HIVEP1: variants seen among roughly 807,000 people sequenced by gnomAD.
HIVEP1 encodes zinc finger protein 40.
HIVEP1 carries 36 observed loss-of-function variants against 180.0 expected under a neutral mutation model. The ratio of observed to expected loss-of-function variants is 0.20; its 90% confidence interval spans 0.15 to 0.26. The LOEUF (loss-of-function observed/expected upper bound fraction) is 0.26, where lower values mean the gene tolerates loss of function less well. Ranked by LOEUF, HIVEP1 falls within the 10% of genes least tolerant of loss-of-function variation. The pLI, the probability that HIVEP1 is intolerant of heterozygous loss-of-function variation, is 1.00. For synonymous variants in HIVEP1, 1,239 were observed against 1,239.0 expected, an observed-to-expected ratio of 1.00 and a Z score of 0.00; for missense variants, 3,143 against 3,268.7, an observed-to-expected ratio of 0.96 and a Z score of 0.94.
At position 12,123,766 on chromosome 6, in the gene HIVEP1, T is replaced by C. The variant is rs771344300; in HGVS notation, c.3971T>C (p.Ile1324Thr). The change falls in exon 4 of 9, where the codon ATA (isoleucine) becomes ACA (threonine). Residue 1324 changes from isoleucine (I) to threonine (T), a missense_variant. This residue lies in a region of HIVEP1 where 1,357 missense variants were observed against 1,260.5 expected (regional missense o/e 1.08). Coordinates refer to ENST00000379388, the MANE Select transcript of HIVEP1 (RefSeq NM_002114.4). ...HTSSFSASLD[I>T]EDVSKTEASP... The stretch of plus-strand genomic sequence containing the variant: ...TCAAGTTTCTCAGCCTCTTTAGACA[T>C]AGAGGACGTTTCTAAAACGGAGGCT... 6.2e-7 allele frequency: 1 copy of C among 1,614,162 alleles called. No individual in the cohort carries two copies. The highest frequency in any genetic ancestry group is 1.3e-5 in the African/African-American group (1 of 75,034).
the HIVEP1 span, among the ~76,000 whole-genome samples, chr6:12,192,189 T>G: frequency 1.3e-5 from 2 of 152,184 alleles, no homozygotes; most frequent in Admixed American, 1.3e-4. Context: ...TATAGAACCA[T>G]TATTTTTATT....
intron 2 of HIVEP1, among the ~76,000 whole-genome samples, chr6:12,028,641 C>G (rs553067342): frequency 1.3e-5 from 2 of 152,306 alleles, no homozygotes; most frequent in East Asian, 3.9e-4. Flanking sequence ...GGAAAGATTA[C>G]CTTTTTCAGT....
chr6:12,211,313 T>C, the HIVEP1 span, among the ~76,000 whole-genome samples: 2 of 96,344 alleles, frequency 2.1e-5, no homozygotes, highest in African/African-American at 1.0e-4. Flanking sequence ...GGCAGGAGAA[T>C]GGCGTGAACC....
intron 2 of HIVEP1, among the ~76,000 whole-genome samples, chr6:12,062,444 C>T (rs1049696508): frequency 6.6e-6 from 1 of 152,000 alleles, no homozygotes; most frequent in African/African-American, 2.4e-5. Context: ...TGTAATTAAA[C>T]ATTTCATTAT....
At chr6:12,019,396 T>C (rs947073824) in intron 2 of HIVEP1, among the ~76,000 whole-genome samples, 3 of 152,208 alleles carry the variant, frequency 2.0e-5, no homozygotes, top group African/African-American at 7.2e-5. Context: ...TTTTTGAGCG[T>C]ATCTTTAATA....
At chr6:12,058,992 C>T (rs1252143121) in intron 2 of HIVEP1, among the ~76,000 whole-genome samples, 2 of 151,408 alleles carry the variant, frequency 1.3e-5, no homozygotes, top group Non-Finnish European at 2.9e-5. Context: ...CTGTTTGTTG[C>T]CCAGGCTGGA....
At chr6:12,130,218 A>G (rs1268416500) in intron 5 of HIVEP1, among the ~76,000 whole-genome samples, 2 of 152,242 alleles carry the variant, frequency 1.3e-5, no homozygotes, top group Non-Finnish European at 2.9e-5. Context: ...ATTGCCCATT[A>G]GATATCTTTG....
chr6:12,096,630 TA>T (rs1047040000), intron 3 of HIVEP1, among the ~76,000 whole-genome samples: 2 of 151,518 alleles, frequency 1.3e-5, no homozygotes, highest in Admixed American at 6.6e-5. Context: ...GACTCTCATT[TA>T]AAAAAAAATT....
At chr6:12,037,577 G>T (rs1769365578) in intron 2 of HIVEP1, 1 of 376,200 alleles carries the variant, frequency 2.7e-6, no homozygotes, top group Admixed American at 4.6e-5. Flanking sequence ...TGGCTGAGAG[G>T]TTGCACTGGA....
chr6:12,135,260 A>C (rs1758641910), intron 6 of HIVEP1, among the ~76,000 whole-genome samples: 1 of 152,244 alleles, frequency 6.6e-6, no homozygotes, highest in Non-Finnish European at 1.5e-5. Context: ...GTCTGAAGCC[A>C]ATGAAACTGT....
chr6:12,172,931 G>A, the HIVEP1 span, among the ~76,000 whole-genome samples: 2 of 151,902 alleles, frequency 1.3e-5, no homozygotes, highest in African/African-American at 4.8e-5. Flanking sequence ...AAACGAGTAT[G>A]TCCAGTGCCA....
At chr6:12,195,103 AGTT>A in the HIVEP1 span, among the ~76,000 whole-genome samples, 1 of 152,238 alleles carries the variant, frequency 6.6e-6, no homozygotes, top group Non-Finnish European at 1.5e-5. Flanking sequence ...GAGAATATCA[AGTT>A]GTTAGAAATA....
Position 12,017,284 on chromosome 6 carries a change from C to T in HIVEP1, c.40+1616C>T, listed in dbSNP as rs12210876. On this transcript the variant is annotated intron_variant, in intron 2 of 8. Coordinates refer to ENST00000379388, the MANE Select transcript of HIVEP1 (RefSeq NM_002114.4). The stretch of plus-strand genomic sequence containing the variant: ...CTTCAAGAATGAAGCCACAGGCCCT[C>T]GCCGTGAGTGTTATAGCTCTTAAAG... Among the ~76,000 whole-genome samples, 1,811 of 152,248 alleles carry T rather than the reference C, an allele frequency of 0.012. 63 individuals are homozygous for T. In the East Asian group the frequency reaches 0.15, roughly 13 times the overall value.
intron 6 of HIVEP1, among the ~76,000 whole-genome samples, chr6:12,134,418 A>G (rs1307001063): frequency 1.3e-5 from 2 of 152,148 alleles, no homozygotes; most frequent in South Asian, 2.1e-4. Context: ...AGAATGTACT[A>G]TGTAGTGCAA....
chr6:12,176,980 G>T, the HIVEP1 span, among the ~76,000 whole-genome samples: 6 of 152,208 alleles, frequency 3.9e-5, no homozygotes, highest in Non-Finnish European at 7.3e-5. Context: ...ATACTATGCA[G>T]CCATGAAAAA....
At chr6:12,051,268 G>A (rs1045508089) in intron 2 of HIVEP1, among the ~76,000 whole-genome samples, 6 of 151,694 alleles carry the variant, frequency 4.0e-5, no homozygotes, top group African/African-American at 1.2e-4. Context: ...TTCACTGTCA[G>A]TCATTCTTCT....
At chr6:12,167,630 G>GTTATATTACAT (rs1760744226), downstream of HIVEP1, among the ~76,000 whole-genome samples, 1 of 99,108 alleles carries the variant, frequency 1.0e-5, no homozygotes, top group Non-Finnish European at 1.8e-5. Flanking sequence ...ATATATACAT[G>GTTATATTACAT]TTATATATAC....
intron 4 of HIVEP1, among the ~76,000 whole-genome samples, chr6:12,126,830 A>G (rs6929481): frequency 2.6e-5 from 4 of 151,678 alleles, no homozygotes; most frequent in African/African-American, 9.7e-5. Flanking sequence ...AATTTTTTTT[A>G]AAAAAATAGG....
At chr6:12,010,572 C>T (rs1233355238), upstream of HIVEP1, among the ~76,000 whole-genome samples, 3 of 151,580 alleles carry the variant, frequency 2.0e-5, 1 homozygote, top group South Asian at 6.3e-4. Context: ...CATTTTTATT[C>T]CTTAAAAGGG....
Sources: gnomAD v4.1 joint callset for allele counts (sites outside exome capture counted in the v4.1 genomes callset) on GRCh38, gnomAD v4.1.1 for gene constraint, gnomAD v4.1.1 regional missense constraint, MANE v1.5 for transcripts, NCBI Gene and HGNC (gene_info 2026-07-23, HGNC 2026-07-21) for gene names.